Variants in PCSK5 observed in about 807,000 individuals in gnomAD.
PCSK5 encodes proprotein convertase subtilisin/kexin type 5.
PCSK5 carries 129 observed loss-of-function variants against 233.2 expected under a neutral mutation model. The ratio of observed to expected loss-of-function variants is 0.55; its 90% confidence interval spans 0.48 to 0.64. The LOEUF (loss-of-function observed/expected upper bound fraction) is 0.64. PCSK5 is among the 30% of genes least tolerant of loss of function. The pLI, the probability that PCSK5 is intolerant of heterozygous loss-of-function variation, is 0.00. For missense variants in PCSK5, 2,076 were observed against 2,430.1 expected, an observed-to-expected ratio of 0.85 and a Z score of 3.06; for synonymous variants, 825 against 879.2, an observed-to-expected ratio of 0.94 and a Z score of 1.09.
At chr9:75,974,361 C>G (rs553512321) in intron 2 of PCSK5, among the ~76,000 whole-genome samples, 1 of 152,154 alleles carries the variant, frequency 6.6e-6, no homozygotes, top group Non-Finnish European at 1.5e-5. Flanking sequence ...CTGGAAGCCC[C>G]GACAGTGGTT....
At chr9:76,310,366 A>G (rs6560511) in intron 29 of PCSK5, among the ~76,000 whole-genome samples, 12,386 of 152,170 alleles carry the variant, frequency 0.081, 565 homozygotes, top group African/African-American at 0.1. Context: ...CACCAGGAAG[A>G]CATAGAGAGT....
chr9:76,169,955 C>A, intron 13 of PCSK5, 115 bp downstream of exon 13: 1 of 804,582 alleles, frequency 1.2e-6, no homozygotes, highest in Non-Finnish European at 2.1e-6. Context: ...TGGTTCATTT[C>A]ATGTGTGCTT....
At chr9:76,056,695 G>A (rs1829829487) in intron 5 of PCSK5, among the ~76,000 whole-genome samples, 2 of 152,128 alleles carry the variant, frequency 1.3e-5, no homozygotes, top group African/African-American at 2.4e-5. Flanking sequence ...GAGTTAAAAT[G>A]GTTTTTTGAG....
At chr9:76,198,611 AG>A (rs1282631536) in intron 20 of PCSK5, among the ~76,000 whole-genome samples, 1 of 152,170 alleles carries the variant, frequency 6.6e-6, no homozygotes, top group Non-Finnish European at 1.5e-5. Context: ...TTGCAAGGCA[AG>A]GGGGTAAGAG....
At chr9:76,289,075 G>T (rs1828179776) in intron 24 of PCSK5, among the ~76,000 whole-genome samples, 1 of 152,170 alleles carries the variant, frequency 6.6e-6, no homozygotes, top group South Asian at 2.1e-4. Context: ...CAGTGGGAAG[G>T]TGACACAGGG....
intron 35 of PCSK5, among the ~76,000 whole-genome samples, chr9:76,342,655 T>C (rs2643318): frequency 0.94 from 142,791 of 152,278 alleles, 67,011 homozygotes; most frequent in East Asian, 1. Context: ...TTGGTGTCTC[T>C]AAATCTGCTT....
chr9:76,199,667 T>C (rs1824843418), intron 20 of PCSK5, among the ~76,000 whole-genome samples: 1 of 152,120 alleles, frequency 6.6e-6, no homozygotes, highest in African/African-American at 2.4e-5. Flanking sequence ...TATGTGGATG[T>C]CTTCCTGGAT....
intron 37 of PCSK5, among the ~76,000 whole-genome samples, chr9:76,356,306 AGCAATCTGCG>A (rs539167219): frequency 7.5e-4 from 115 of 152,344 alleles, no homozygotes; most frequent in African/African-American, 2.4e-3. Flanking sequence ...AGCCACCTGC[AGCAATCTGCG>A]AAAGTATAAA....
chr9:75,914,552 G>C (rs1205290561), intron 1 of PCSK5, among the ~76,000 whole-genome samples: 1 of 151,886 alleles, frequency 6.6e-6, no homozygotes, highest in African/African-American at 2.4e-5. Flanking sequence ...ATGTCACCTG[G>C]CCCCCTCATT....
At chr9:76,175,232 G>GAATGA (rs767586450) in intron 14 of PCSK5, 103 bp downstream of exon 14, 1 of 583,924 alleles carries the variant, frequency 1.7e-6, no homozygotes, top group South Asian at 2.5e-5. Flanking sequence ...AAATGGAATG[G>GAATGA]AATGAAATGG....
chr9:76,112,197 A>T (rs1297573914), intron 9 of PCSK5, among the ~76,000 whole-genome samples: 1 of 152,220 alleles, frequency 6.6e-6, no homozygotes, highest in African/African-American at 2.4e-5. Flanking sequence ...GAAATGTTAC[A>T]CTATACAGTG....
At chr9:75,990,357 G>T (rs1403576048) in intron 3 of PCSK5, among the ~76,000 whole-genome samples, 1 of 152,158 alleles carries the variant, frequency 6.6e-6, no homozygotes, top group African/African-American at 2.4e-5. Flanking sequence ...TTCCCATGTC[G>T]CTCCTCCCCT....
At chr9:76,261,272 T>C (rs964602064) in intron 24 of PCSK5, among the ~76,000 whole-genome samples, 1 of 152,190 alleles carries the variant, frequency 6.6e-6, no homozygotes, top group African/African-American at 2.4e-5. Context: ...CAATCCCAAA[T>C]GAGAAACTTT....
chr9:76,321,079 G>T lies in PCSK5; in HGVS notation c.3885-343G>T, dbSNP rs1041266963. Among the ~76,000 whole-genome samples, 17 of 151,910 alleles carry T rather than the reference G, an allele frequency of 1.1e-4. No individual in the cohort carries two copies. In the East Asian group the frequency reaches 3.3e-3, roughly 29 times the overall value. On this transcript the variant is annotated intron_variant, in intron 30 of 37. Coordinates refer to ENST00000674117, the MANE Select transcript of PCSK5 (RefSeq NM_001372043.1). ...CCTGCCCACCTCGGCCTCCCAAAGTGCTGGGATTACAAGCGTGAGCCACCA... is the reference window on the plus strand; with the variant it reads ...CCTGCCCACCTCGGCCTCCCAAAGTTCTGGGATTACAAGCGTGAGCCACCA...
intron 8 of PCSK5, among the ~76,000 whole-genome samples, chr9:76,105,391 A>T (rs1053917271): frequency 3.9e-5 from 6 of 152,234 alleles, no homozygotes; most frequent in Non-Finnish European, 8.8e-5. Flanking sequence ...AGGGAGAGTG[A>T]GGAACTGTTC....
chr9:75,994,400 C>CT (rs550518074), intron 3 of PCSK5, among the ~76,000 whole-genome samples: 31 of 82,042 alleles, frequency 3.8e-4, no homozygotes, highest in Admixed American at 4.7e-4. Flanking sequence ...TTCTTTCTTT[C>CT]TTTTTTTTTT....
At chr9:76,199,342 A>G (rs570382251) in intron 20 of PCSK5, among the ~76,000 whole-genome samples, 1 of 152,344 alleles carries the variant, frequency 6.6e-6, no homozygotes, top group African/African-American at 2.4e-5. Flanking sequence ...TATGGTAAAT[A>G]TATGGTATAA....
In PCSK5 at chr9:76,215,537, C is replaced by T. The variant is rs2201500; in HGVS notation, c.2627-11966C>T. ...TCCCTAGAGATGCTGCTAAAGAGGCCACCAAGGGGAAAGTTACTTAACTAA... is the reference window on the plus strand; with the variant it reads ...TCCCTAGAGATGCTGCTAAAGAGGCTACCAAGGGGAAAGTTACTTAACTAA... On this transcript the variant is annotated intron_variant, in intron 20 of 37. Coordinates refer to ENST00000674117, the MANE Select transcript of PCSK5 (RefSeq NM_001372043.1). 8.0e-3 allele frequency among the ~76,000 whole-genome samples: 1,220 copies of T among 152,250 alleles called. 16 individuals carry two copies. The highest frequency in any genetic ancestry group is 0.027 in the African/African-American group (1,120 of 41,540).
At chr9:76,034,312 A>C (rs2131512632) in intron 5 of PCSK5, among the ~76,000 whole-genome samples, 1 of 151,774 alleles carries the variant, frequency 6.6e-6, no homozygotes. Flanking sequence ...TCTTACCTAT[A>C]CCCTTGTTAA....
Sources: gnomAD v4.1 joint callset for allele counts (sites outside exome capture counted in the v4.1 genomes callset) on GRCh38, gnomAD v4.1.1 for gene constraint, MANE v1.5 for transcripts, NCBI Gene and HGNC (gene_info 2026-07-23, HGNC 2026-07-21) for gene names.